Variants in DOCK3 observed in about 807,000 individuals in gnomAD.
DOCK3 encodes dedicator of cytokinesis 3, also known as dedicator of cytokinesis protein 3.
DOCK3 carries 60 observed loss-of-function variants against 265.6 expected under a neutral mutation model. The observed-to-expected ratio is 0.23, with a 90% CI of 0.18 to 0.28. The LOEUF is 0.28. DOCK3 is among the 10% of genes least tolerant of loss of function. DOCK3 has a pLI of 1.00. For synonymous variants in DOCK3, 881 were observed against 938.0 expected, an observed-to-expected ratio of 0.94 and a Z score of 1.11; for missense variants, 1,981 against 2,594.3, an observed-to-expected ratio of 0.76 and a Z score of 5.14.
chr3:50,986,985 C>T (rs2077926950), intron 5 of DOCK3, among the ~76,000 whole-genome samples: 1 of 152,226 alleles, frequency 6.6e-6, no homozygotes, highest in South Asian at 2.1e-4. Context: ...CTCCAGGCAA[C>T]ATTCTTCAAT....
chr3:51,269,627 C>T (rs769009886), intron 23 of DOCK3, among the ~76,000 whole-genome samples: 4 of 152,158 alleles, frequency 2.6e-5, no homozygotes, highest in Non-Finnish European at 4.4e-5. Context: ...AGCCTTCCCT[C>T]CCCAGCCTGC....
intron 5 of DOCK3, among the ~76,000 whole-genome samples, chr3:51,024,055 T>G (rs1308773463): frequency 1.3e-5 from 2 of 152,194 alleles, no homozygotes; most frequent in African/African-American, 4.8e-5. Flanking sequence ...TCTTAATGGT[T>G]TTTTTTACTT....
intron 5 of DOCK3, among the ~76,000 whole-genome samples, chr3:50,991,617 A>C (rs1222844111): frequency 6.6e-6 from 1 of 152,176 alleles, no homozygotes; most frequent in Non-Finnish European, 1.5e-5. Context: ...ACAAAGAGAC[A>C]CAGAGTTTTA....
intron 22 of DOCK3, among the ~76,000 whole-genome samples, chr3:51,256,428 G>A (rs1418760127): frequency 6.6e-6 from 1 of 151,934 alleles, no homozygotes; most frequent in African/African-American, 2.4e-5. Context: ...ATGCCACCAT[G>A]CCCAGCTAAT....
At chr3:51,165,711 CT>C (rs1430118413) in intron 12 of DOCK3, among the ~76,000 whole-genome samples, 1 of 152,178 alleles carries the variant, frequency 6.6e-6, no homozygotes, top group Non-Finnish European at 1.5e-5. Flanking sequence ...TCTTCCATAT[CT>C]GACTTATTTT....
rs545949746 is a variant in DOCK3, at chr3:50,914,199, G to A, written c.219-19782G>A. Among the ~76,000 whole-genome samples the A allele has an allele frequency of 7.4e-5, 11 of 149,272 alleles. No homozygotes were observed. In the East Asian group the frequency reaches 9.8e-4, roughly 13 times the overall value. ...TTTTTTCCTCAATTTTGTTTATTTC[G>A]GCTCTATAGTTTATTTTCTTATGTT... On this transcript the variant is annotated intron_variant, in intron 4 of 52. Transcript: ENST00000266037.
chr3:51,280,382 C>T (rs2081048237), intron 27 of DOCK3, among the ~76,000 whole-genome samples, 178 bp downstream of exon 27: 1 of 152,124 alleles, frequency 6.6e-6, no homozygotes, highest in Non-Finnish European at 1.5e-5. Flanking sequence ...AGCAGTGTCC[C>T]CACACAGCTG....
rs995741465 is a variant in DOCK3 at position 50,947,729 on chromosome 3, G to A, written c.315+13652G>A. 4.6e-5 allele frequency among the ~76,000 whole-genome samples: 7 copies of A among 151,958 alleles called. No individual in the cohort carries two copies. The East Asian group carries it at 1.4e-3, about 29-fold the overall frequency. On this transcript the variant is annotated intron_variant, in intron 5 of 52. Transcript: ENST00000266037. ...TACTGAAAGAAATTTAAAAAGACCC[G>A]AAATAAATAGAGGAGATATGTCATG...
intron 2 of DOCK3, among the ~76,000 whole-genome samples, chr3:50,784,894 C>T (rs558276995): frequency 3.2e-4 from 48 of 152,302 alleles, no homozygotes; most frequent in Admixed American, 5.2e-4. Flanking sequence ...CGGTGGCTCA[C>T]GCCTATAATC....
chr3:51,138,286 AT>A (rs1271653626), intron 9 of DOCK3, among the ~76,000 whole-genome samples: 2 of 152,242 alleles, frequency 1.3e-5, no homozygotes, highest in Non-Finnish European at 2.9e-5. Context: ...AGCAGAATTT[AT>A]TTATCATACC....
intron 5 of DOCK3, among the ~76,000 whole-genome samples, chr3:50,981,916 C>A (rs975274978): frequency 6.6e-6 from 1 of 152,158 alleles, no homozygotes; most frequent in Non-Finnish European, 1.5e-5. Context: ...TTGGCACGAT[C>A]TTGGCTCACT....
At chr3:50,857,026 T>G (rs972403194) in intron 3 of DOCK3, among the ~76,000 whole-genome samples, 3 of 152,212 alleles carry the variant, frequency 2.0e-5, no homozygotes, top group African/African-American at 7.2e-5. Flanking sequence ...AATCAAACCC[T>G]TTTGATAGTG....
chr3:51,132,930 G>A (rs1395683854), intron 9 of DOCK3, among the ~76,000 whole-genome samples: 1 of 152,060 alleles, frequency 6.6e-6, no homozygotes, highest in African/African-American at 2.4e-5. Context: ...GCTGCCATCA[G>A]CCTTTCCACC....
chr3:51,026,444 T>A (rs980995390), intron 5 of DOCK3, among the ~76,000 whole-genome samples: 1 of 151,998 alleles, frequency 6.6e-6, no homozygotes, highest in Non-Finnish European at 1.5e-5. Flanking sequence ...TTTTTTTTTT[T>A]TTTTTATTGT....
rs554489449 is a variant in DOCK3 at position 51,258,133 on chromosome 3, C to T, written c.2185-2023C>T. 1.3e-3 allele frequency among the ~76,000 whole-genome samples: 194 copies of T among 152,332 alleles called. 1 individual carries two copies. The highest frequency in any genetic ancestry group is 2.0e-3 in the Non-Finnish European group (137 of 68,020). On this transcript the variant is annotated intron_variant, in intron 22 of 52. Coordinates refer to ENST00000266037, the MANE Select transcript of DOCK3 (RefSeq NM_004947.5). Reference sequence around the variant, plus strand: ...GTGCAAGTCACTTCGCTGTCTGGTTCTGCCTCCCTGAAACTGGTGAATGTT... The same window carrying T: ...GTGCAAGTCACTTCGCTGTCTGGTTTTGCCTCCCTGAAACTGGTGAATGTT...
intron 1 of DOCK3, among the ~76,000 whole-genome samples, chr3:50,777,245 C>T (rs189875619): frequency 1.3e-5 from 2 of 152,128 alleles, no homozygotes; most frequent in Admixed American, 1.3e-4. Flanking sequence ...TGTTGAATAC[C>T]ATTTGGCTTT....
At chr3:51,287,577 T>C (rs2081477200) in intron 27 of DOCK3, among the ~76,000 whole-genome samples, 1 of 151,978 alleles carries the variant, frequency 6.6e-6, no homozygotes. Context: ...ATTAAAAAAT[T>C]AAAAGTCAAG....
chr3:51,099,044 C>T (rs1400711061), intron 9 of DOCK3, among the ~76,000 whole-genome samples: 2 of 152,204 alleles, frequency 1.3e-5, no homozygotes. Flanking sequence ...CTTTATAATC[C>T]TGTTGCCCTG....
At chr3:50,971,774 C>T (rs2077243432) in intron 5 of DOCK3, among the ~76,000 whole-genome samples, 1 of 152,194 alleles carries the variant, frequency 6.6e-6, no homozygotes. Flanking sequence ...GGCCTTAGAT[C>T]CCTGCTCAGT....
Sources: gnomAD v4.1 joint callset for allele counts (sites outside exome capture counted in the v4.1 genomes callset) on GRCh38, gnomAD v4.1.1 for gene constraint, MANE v1.5 for transcripts, NCBI Gene and HGNC (gene_info 2026-07-23, HGNC 2026-07-21) for gene names.